SLIT3: variants seen among roughly 807,000 people sequenced by gnomAD.
The protein encoded by SLIT3 is slit homolog 3 protein.
Under a neutral mutation model 184.0 loss-of-function variants are expected in SLIT3, and 68 were observed. The ratio of observed to expected loss-of-function variants is 0.37; its 90% CI spans 0.30 to 0.45. SLIT3 has a LOEUF of 0.45. Among genes scored for constraint, SLIT3 ranks in the 20% least tolerant of loss-of-function variants. The pLI is 1.00. For missense variants in SLIT3, 1,707 were observed against 2,026.0 expected (o/e 0.84, Z 3.02); for synonymous variants, 831 against 828.6 (o/e 1.00, Z -0.05).
At chr5:168,941,530 C>T (rs1052197278) in intron 4 of SLIT3, among the ~76,000 whole-genome samples, 1 of 152,152 alleles carries the variant, frequency 6.6e-6, no homozygotes, top group Non-Finnish European at 1.5e-5. Flanking sequence ...TGCACCGTAC[C>T]TAAGTATTGA....
intron 1 of SLIT3, among the ~76,000 whole-genome samples, chr5:169,278,824 C>T (rs1019354619): frequency 2.0e-5 from 3 of 152,188 alleles, no homozygotes; most frequent in Admixed American, 6.5e-5. Flanking sequence ...CCATCACCAC[C>T]AGCCTCTCCT....
rs148391905 is a variant in SLIT3, at chr5:168,841,692, T to A, written c.557+2892A>T. On this transcript the variant is annotated intron_variant, in intron 6 of 35. Transcript: ENST00000519560. ...CATTGTCAGCCTCGATGGAAAGAAG[T>A]TTTATGGTATTTCCATCCACAGGAG... Among the ~76,000 whole-genome samples, 10 of 152,258 alleles carry A rather than the reference T, an allele frequency of 6.6e-5. No individual in the cohort carries two copies. The East Asian group carries it at 1.7e-3, about 26-fold the overall frequency.
chr5:168,923,714 C>T (rs1761714339), intron 4 of SLIT3, among the ~76,000 whole-genome samples: 1 of 152,178 alleles, frequency 6.6e-6, no homozygotes, highest in African/African-American at 2.4e-5. Flanking sequence ...GACTGGGTTT[C>T]ACCATGTTGG....
At chr5:169,135,811 C>T (rs751507084) in intron 4 of SLIT3, among the ~76,000 whole-genome samples, 4 of 152,228 alleles carry the variant, frequency 2.6e-5, no homozygotes, top group Admixed American at 6.5e-5. Flanking sequence ...ACAACCCCTT[C>T]ACCACCAATG....
chr5:168,961,679 G>C (rs1763013327), intron 4 of SLIT3, among the ~76,000 whole-genome samples: 1 of 152,136 alleles, frequency 6.6e-6, no homozygotes. Flanking sequence ...CTGTGGTGCA[G>C]AAAGCAGGAT....
At chr5:169,244,814 T>G in intron 2 of SLIT3, 38 bp from the exon 3 acceptor site, 2 of 1,584,906 alleles carry the variant, frequency 1.3e-6, no homozygotes, top group Non-Finnish European at 1.7e-6. Context: ...AGGACAAAGC[T>G]GGGCTCAGGG....
chr5:168,789,267 G>T lies in SLIT3; in HGVS notation c.1079+293C>A, dbSNP rs187609956. On this transcript the variant is annotated intron_variant, in intron 11 of 35. Coordinates refer to ENST00000519560, the MANE Select transcript of SLIT3 (RefSeq NM_003062.4). ...GTGGCATGTGGGGTGGGAGGGGGAC[G>T]TGGGGTGGGAGGGGGACGTGAGGTT... 1.1e-3 allele frequency among the ~76,000 whole-genome samples: 166 copies of T among 149,068 alleles called. 3 individuals carry two copies. In the East Asian group the frequency reaches 0.029, roughly 26 times the overall value.
chr5:168,740,145 GA>G (rs1312387753), intron 20 of SLIT3, among the ~76,000 whole-genome samples: 1 of 152,150 alleles, frequency 6.6e-6, no homozygotes. Context: ...GCCTCTGGTG[GA>G]ATGGGCATGA....
intron 4 of SLIT3, among the ~76,000 whole-genome samples, chr5:168,912,334 T>G (rs986120157): frequency 2.8e-4 from 42 of 152,344 alleles, no homozygotes; most frequent in African/African-American, 9.6e-4. Context: ...AGTTAAGTTT[T>G]GGGATAGTCA....
intron 4 of SLIT3, among the ~76,000 whole-genome samples, chr5:169,176,016 C>T (rs1762973197): frequency 6.6e-6 from 1 of 152,226 alleles, no homozygotes; most frequent in African/African-American, 2.4e-5. Context: ...AGGGTTTCTT[C>T]TCTTTGGCTT....
intron 4 of SLIT3, among the ~76,000 whole-genome samples, chr5:169,071,303 T>C (rs141650523): frequency 6.6e-6 from 1 of 152,350 alleles, no homozygotes; most frequent in African/African-American, 2.4e-5. Flanking sequence ...TTTTTCTTCT[T>C]CTTTATAAAC....
chr5:169,238,066 T>C (rs940802902), intron 3 of SLIT3, among the ~76,000 whole-genome samples: 1 of 152,126 alleles, frequency 6.6e-6, no homozygotes, highest in African/African-American at 2.4e-5. Context: ...GTCCCGTTGA[T>C]GTGTGTGTCT....
rs776625655 is a variant in SLIT3 at position 168,844,608 on chromosome 5, C to T, written c.533G>A (p.Arg178Gln). 2.5e-6 allele frequency: 4 copies of T among 1,614,180 alleles called. No homozygotes were observed. Among genetic ancestry groups the T allele is most frequent in the East Asian group, 2.2e-5 (1 of 44,874 alleles). Residue 178 changes from arginine to glutamine, a missense_variant, in exon 6 of 36, where the codon CGA becomes CAA. Physicochemically the swap from Arg to Gln is conservative, Grantham distance 43. This residue lies in a region of SLIT3 where 1,307 missense variants were observed against 1,511.6 expected (regional missense o/e 0.86). Transcript: ENST00000519560. ...CAGGATCTCCAAATCGCGCAGCGCT[C>T]GGAAGGCTCCATCTTCAATGCAGCT... Reference protein sequence around the residue: ...HISCIEDGAFRALRDLEILTL... With the variant: ...HISCIEDGAFQALRDLEILTL...
intron 4 of SLIT3, among the ~76,000 whole-genome samples, chr5:169,044,447 A>C (rs1444788228): frequency 1.3e-5 from 2 of 152,202 alleles, no homozygotes; most frequent in Non-Finnish European, 2.9e-5. Flanking sequence ...ATTACAGATG[A>C]ATCTTGAAAA....
At chr5:168,707,918 C>CA in intron 26 of SLIT3, 58 bp downstream of exon 26, 1 of 1,606,980 alleles carries the variant, frequency 6.2e-7, no homozygotes, top group South Asian at 1.1e-5. Context: ...CTCTCTAGGG[C>CA]CAGGGCTGAA....
intron 5 of SLIT3, among the ~76,000 whole-genome samples, chr5:168,871,581 G>A (rs954318831): frequency 1.3e-5 from 2 of 152,144 alleles, no homozygotes; most frequent in African/African-American, 4.8e-5. Flanking sequence ...CAGAAAGAGT[G>A]ATGAAGTTAA....
intron 1 of SLIT3, among the ~76,000 whole-genome samples, chr5:169,260,788 T>C (rs1766144304): frequency 1.3e-5 from 2 of 152,264 alleles, no homozygotes; most frequent in Admixed American, 1.3e-4. Flanking sequence ...TGCTAAATGC[T>C]GGTATATAGC....
chr5:169,066,138 A>C (rs527416571), intron 4 of SLIT3, among the ~76,000 whole-genome samples: 1 of 152,334 alleles, frequency 6.6e-6, no homozygotes, highest in East Asian at 1.9e-4. Context: ...TGGCACTAAA[A>C]TGTAAAAACT....
At chr5:169,079,080 C>T (rs1020348858) in intron 4 of SLIT3, among the ~76,000 whole-genome samples, 6 of 152,118 alleles carry the variant, frequency 3.9e-5, no homozygotes, top group African/African-American at 9.7e-5. Context: ...GAAGAGAAGG[C>T]GAGACAGAGA....
Sources: allele counts gnomAD v4.1 joint callset (sites outside exome capture counted in the v4.1 genomes callset), GRCh38; gene constraint gnomAD v4.1.1; regional missense constraint gnomAD v4.1.1; transcripts MANE v1.5; gene names NCBI Gene and HGNC (gene_info 2026-07-23, HGNC 2026-07-21).